FAM222A: variants seen among roughly 807,000 people sequenced by gnomAD.
FAM222A encodes protein FAM222A.
Under a neutral mutation model 25.8 loss-of-function variants are expected in FAM222A, and 7 were observed. The observed-to-expected ratio is 0.27, with a 90% CI of 0.15 to 0.51. The LOEUF is 0.51. FAM222A is among the 20% of genes least tolerant of loss of function. The pLI, the probability that FAM222A is intolerant of heterozygous loss-of-function variation, is 0.97. For missense variants in FAM222A, 573 were observed against 640.5 expected, an observed-to-expected ratio of 0.89 and a Z score of 1.14; for synonymous variants, 294 against 298.8, an observed-to-expected ratio of 0.98 and a Z score of 0.17.
chr12:109,734,480 C>A (rs1287368998), intron 1 of FAM222A: 1 of 152,002 alleles, frequency 6.6e-6, no homozygotes, highest in South Asian at 2.1e-4. Context: ...CTGTCTCTCC[C>A]GGCACCCGTC....
At chr12:109,744,064 C>A (rs1415134864) in intron 1 of FAM222A, 37 bp from the exon 2 acceptor site, 2 of 1,543,340 alleles carry the variant, frequency 1.3e-6, no homozygotes, top group Admixed American at 1.9e-5. Context: ...CACGGAGCAG[C>A]CCCCAAGTGA....
At chr12:109,767,428 C>T (rs1210872415) in intron 2 of FAM222A, among the ~76,000 whole-genome samples, 3 of 152,216 alleles carry the variant, frequency 2.0e-5, no homozygotes, top group South Asian at 2.1e-4. Context: ...CCTAGGAGGT[C>T]GAGGCTGTAG....
At chr12:109,723,050 A>G (rs936795309) in intron 1 of FAM222A, among the ~76,000 whole-genome samples, 1 of 151,948 alleles carries the variant, frequency 6.6e-6, no homozygotes, top group African/African-American at 2.4e-5. Flanking sequence ...ATCAGGGAAC[A>G]ATTATTAGCG....
intron 1 of FAM222A, among the ~76,000 whole-genome samples, chr12:109,717,656 A>G (rs1887669235): frequency 6.6e-6 from 1 of 152,124 alleles, no homozygotes; most frequent in African/African-American, 2.4e-5. Flanking sequence ...GGGAAGGTTT[A>G]AGCAGGGCAG....
At chr12:109,736,153 G>T (rs1888080899) in intron 1 of FAM222A, among the ~76,000 whole-genome samples, 1 of 152,222 alleles carries the variant, frequency 6.6e-6, no homozygotes, top group South Asian at 2.1e-4. Context: ...GGTGCTCTCA[G>T]TGACTCACCA....
At chr12:109,749,546 A>G (rs1888502704) in intron 2 of FAM222A, among the ~76,000 whole-genome samples, 1 of 152,010 alleles carries the variant, frequency 6.6e-6, no homozygotes, top group Non-Finnish European at 1.5e-5. Flanking sequence ...GGATTTTTTT[A>G]TGGGGACTTA....
intron 1 of FAM222A, among the ~76,000 whole-genome samples, chr12:109,740,382 T>A (rs1888207084): frequency 6.6e-6 from 1 of 150,982 alleles, no homozygotes; most frequent in African/African-American, 2.4e-5. Context: ...CTGCCCCCCC[T>A]TTTTTTATTA....
chr12:109,730,411 G>C (rs986360307), intron 1 of FAM222A, among the ~76,000 whole-genome samples: 3 of 151,550 alleles, frequency 2.0e-5, no homozygotes, highest in African/African-American at 7.3e-5. Flanking sequence ...GGGGGCGGGG[G>C]GGGGGGTTCC....
intron 2 of FAM222A, chr12:109,744,918 G>A (rs1888353237): frequency 2.4e-6 from 1 of 410,256 alleles, no homozygotes; most frequent in Non-Finnish European, 3.3e-6. Flanking sequence ...CTTTTAAAGG[G>A]ATGTCTGTCT....
intron 1 of FAM222A, among the ~76,000 whole-genome samples, chr12:109,717,096 C>T (rs1200807073): frequency 6.6e-6 from 1 of 152,216 alleles, no homozygotes; most frequent in Non-Finnish European, 1.5e-5. Context: ...GGACAGGGGT[C>T]CCTGCAGGCA....
At chr12:109,765,311 C>T (rs1322531413) in intron 2 of FAM222A, among the ~76,000 whole-genome samples, 1 of 152,238 alleles carries the variant, frequency 6.6e-6, no homozygotes, top group Non-Finnish European at 1.5e-5. Flanking sequence ...AGCACCTCTA[C>T]CCCTAGCTGT....
At chr12:109,756,920 C>T (rs1888748457) in intron 2 of FAM222A, among the ~76,000 whole-genome samples, 1 of 152,050 alleles carries the variant, frequency 6.6e-6, no homozygotes, top group Non-Finnish European at 1.5e-5. Flanking sequence ...ATAATTAATT[C>T]TTATTTAAAT....
intron 2 of FAM222A, among the ~76,000 whole-genome samples, chr12:109,758,068 G>A (rs150620025): frequency 2.6e-5 from 4 of 152,186 alleles, no homozygotes; most frequent in Non-Finnish European, 5.9e-5. Flanking sequence ...CACCAGCAGG[G>A]CCACCTTGGC....
chr12:109,732,387 A>C (rs763156468), intron 1 of FAM222A, among the ~76,000 whole-genome samples: 17 of 152,150 alleles, frequency 1.1e-4, no homozygotes, highest in Non-Finnish European at 1.6e-4. Flanking sequence ...GCATTTGGGG[A>C]GTGTCTGGCC....
At chr12:109,735,396 G>A (rs1374225173) in intron 1 of FAM222A, among the ~76,000 whole-genome samples, 1 of 152,218 alleles carries the variant, frequency 6.6e-6, no homozygotes, top group Non-Finnish European at 1.5e-5. Context: ...TGGGTTACGT[G>A]AGGTGACGTC....
At position 109,714,573 on chromosome 12, in the gene FAM222A, C is replaced by G. The variant is rs1025923397; in HGVS notation, c.-371C>G. 1 of 151,738 alleles carries G rather than the reference C, an allele frequency of 6.6e-6. No homozygotes were observed. Among genetic ancestry groups the G allele is most frequent in the Non-Finnish European group, 1.5e-5 (1 of 67,884 alleles). 9.4% of individuals were successfully genotyped at this position (151,738 alleles called of 1,614,324 possible). On this transcript the variant is annotated 5_prime_UTR_variant, in exon 1 of 3. Coordinates refer to ENST00000538780, the MANE Select transcript of FAM222A (RefSeq NM_032829.3). This position sits in a 1 kb window ranked among gnomAD's most constrained non-coding sequence, Gnocchi z 4.2. The stretch of plus-strand genomic sequence containing the variant: ...CCGAGCTGCAGCCTTGAGCGGGGCC[C>G]CGAGGGGAGGCGCAGCGCCGCCCGC...
At chr12:109,750,285 A>C (rs935617100) in intron 2 of FAM222A, among the ~76,000 whole-genome samples, 1 of 152,170 alleles carries the variant, frequency 6.6e-6, no homozygotes, top group African/African-American at 2.4e-5. Flanking sequence ...TCTCTCCACA[A>C]CATTTTCTTA....
chr12:109,745,650 G>T, intron 2 of FAM222A, among the ~76,000 whole-genome samples: 1 of 152,130 alleles, frequency 6.6e-6, no homozygotes, highest in Non-Finnish European at 1.5e-5. Context: ...GTGACAATAG[G>T]ATCACAATGT....
At chr12:109,724,711 G>T (rs985378479) in intron 1 of FAM222A, among the ~76,000 whole-genome samples, 1 of 152,178 alleles carries the variant, frequency 6.6e-6, no homozygotes, top group African/African-American at 2.4e-5. Context: ...TAAAATGGGA[G>T]TGCTGGACGT....
Sources: allele counts gnomAD v4.1 joint callset (sites outside exome capture counted in the v4.1 genomes callset), GRCh38; gene constraint gnomAD v4.1.1; non-coding constraint Gnocchi (gnomAD v3.1); transcripts MANE v1.5; gene names NCBI Gene and HGNC (gene_info 2026-07-23, HGNC 2026-07-21).